CSMD1: variants seen among roughly 807,000 people sequenced by gnomAD.
CSMD1 encodes CUB and sushi domain-containing protein 1.
A neutral mutation model predicts 417.5 loss-of-function variants in CSMD1; 213 were observed. The observed-to-expected ratio is 0.51, with a 90% CI of 0.46 to 0.57. The LOEUF (loss-of-function observed/expected upper bound fraction) is 0.57. Ranked by LOEUF, CSMD1 falls within the 20% of genes least tolerant of loss-of-function variation. CSMD1 has a pLI of 0.00. For missense variants in CSMD1, 6,923 were observed against 4,529.7 expected (o/e 1.53, Z -15.17); for synonymous variants, 2,862 against 1,736.8 (o/e 1.65, Z -16.11).
At chr8:3,218,659 G>A (rs919915889) in intron 29 of CSMD1, among the ~76,000 whole-genome samples, 3 of 151,968 alleles carry the variant, frequency 2.0e-5, no homozygotes, top group South Asian at 2.1e-4. Flanking sequence ...ATCACCTGAG[G>A]TCAGGAGATC....
At chr8:4,274,923 G>C (rs1361958486) in intron 3 of CSMD1, among the ~76,000 whole-genome samples, 2 of 152,086 alleles carry the variant, frequency 1.3e-5, no homozygotes, top group South Asian at 4.1e-4. Flanking sequence ...TTGTGTCTTG[G>C]CCACATTCAT....
chr8:3,711,328 G>A (rs1316147869), intron 6 of CSMD1, among the ~76,000 whole-genome samples: 1 of 152,148 alleles, frequency 6.6e-6, no homozygotes, highest in Non-Finnish European at 1.5e-5. Flanking sequence ...AGACGAGGAG[G>A]TGGGCCACCC....
chr8:4,847,935 C>G (rs1801241416), intron 1 of CSMD1, among the ~76,000 whole-genome samples: 2 of 152,112 alleles, frequency 1.3e-5, no homozygotes, highest in Admixed American at 1.3e-4. Flanking sequence ...ACCCTGTACC[C>G]TTTAGCAAGC....
intron 3 of CSMD1, among the ~76,000 whole-genome samples, chr8:4,192,716 G>A (rs6999095): frequency 0.028 from 4,268 of 152,248 alleles, 221 homozygotes; most frequent in African/African-American, 0.097. Flanking sequence ...TGTCGGGTAT[G>A]AGGAATTGTC....
chr8:4,976,111 G>A (rs1324644822), intron 1 of CSMD1, among the ~76,000 whole-genome samples: 19 of 152,210 alleles, frequency 1.2e-4, no homozygotes. Context: ...GATAAACATT[G>A]GATAAATATG....
intron 2 of CSMD1, among the ~76,000 whole-genome samples, chr8:4,485,004 A>T: frequency 6.8e-6 from 1 of 147,020 alleles, no homozygotes; most frequent in Admixed American, 6.8e-5. Flanking sequence ...AAAAAAAAAA[A>T]AAAAAAAAAA....
At chr8:3,792,581 T>G (rs1482103413) in intron 5 of CSMD1, among the ~76,000 whole-genome samples, 3 of 152,154 alleles carry the variant, frequency 2.0e-5, no homozygotes, top group African/African-American at 7.2e-5. Context: ...CTTTGTTAGC[T>G]CCCACATACC....
intron 33 of CSMD1, among the ~76,000 whole-genome samples, chr8:3,193,418 G>A (rs896585030): frequency 6.6e-6 from 1 of 152,112 alleles, no homozygotes; most frequent in African/African-American, 2.4e-5. Flanking sequence ...GGGAGGCAGG[G>A]AGAAGCTGTG....
chr8:4,622,827 C>G (rs1350157156), intron 2 of CSMD1, among the ~76,000 whole-genome samples: 1 of 152,124 alleles, frequency 6.6e-6, no homozygotes, highest in Admixed American at 6.6e-5. Flanking sequence ...TGAGCTGCCT[C>G]TCTTTGCAGA....
intron 3 of CSMD1, among the ~76,000 whole-genome samples, chr8:4,126,861 G>C (rs905955576): frequency 6.6e-6 from 1 of 152,102 alleles, no homozygotes; most frequent in Non-Finnish European, 1.5e-5. Context: ...GCAAAGATCA[G>C]TCCCAGGACC....
intron 6 of CSMD1, among the ~76,000 whole-genome samples, chr8:3,731,218 C>T (rs577581825): frequency 6.6e-6 from 1 of 152,186 alleles, no homozygotes; most frequent in Non-Finnish European, 1.5e-5. Flanking sequence ...TCCACCTTCC[C>T]ACTGTCCTCC....
intron 36 of CSMD1, among the ~76,000 whole-genome samples, chr8:3,184,763 C>A (rs1368905055): frequency 6.6e-6 from 1 of 152,184 alleles, no homozygotes; most frequent in Non-Finnish European, 1.5e-5. Context: ...CCTTTCCTGC[C>A]TCAGGATAGC....
chr8:4,637,843 T>C (rs571679298), intron 1 of CSMD1, among the ~76,000 whole-genome samples: 15 of 151,296 alleles, frequency 9.9e-5, no homozygotes, highest in Admixed American at 8.6e-4. Context: ...GCTAATTTTT[T>C]GTATTTTTAG....
intron 10 of CSMD1, among the ~76,000 whole-genome samples, chr8:3,530,984 C>G (rs1797956404): frequency 1.3e-5 from 2 of 151,734 alleles, no homozygotes; most frequent in Non-Finnish European, 2.9e-5. Flanking sequence ...TCCTGAGTAG[C>G]TGGGACTGCA....
intron 2 of CSMD1, among the ~76,000 whole-genome samples, chr8:4,569,374 T>G (rs1416709005): frequency 2.0e-5 from 3 of 152,210 alleles, no homozygotes; most frequent in Non-Finnish European, 2.9e-5. Context: ...CTAGTCAGCT[T>G]TCCCAACACC....
chr8:3,620,815 C>G (rs1350532358), intron 7 of CSMD1, among the ~76,000 whole-genome samples: 2 of 152,182 alleles, frequency 1.3e-5, no homozygotes, highest in Non-Finnish European at 2.9e-5. Context: ...CAGAGCTACC[C>G]TTTAAATAAT....
chr8:3,805,267 C>T (rs558627765), intron 5 of CSMD1, among the ~76,000 whole-genome samples: 1 of 152,244 alleles, frequency 6.6e-6, no homozygotes, highest in African/African-American at 2.4e-5. Context: ...TCTCCTAGGG[C>T]ATCAGCATCG....
intron 3 of CSMD1, among the ~76,000 whole-genome samples, chr8:4,236,140 A>C (rs1008456044): frequency 2.7e-5 from 4 of 146,892 alleles, no homozygotes; most frequent in Non-Finnish European, 5.9e-5. Context: ...AAAACACCGT[A>C]TGTTATCAGT....
At chr8:3,492,180 C>T (rs566616773) in intron 11 of CSMD1, among the ~76,000 whole-genome samples, 17 of 152,232 alleles carry the variant, frequency 1.1e-4, no homozygotes, top group African/African-American at 3.9e-4. Flanking sequence ...TCAGGAGAAG[C>T]CAAGATGTTT....
Sources: gnomAD v4.1 joint callset for allele counts (sites outside exome capture counted in the v4.1 genomes callset) on GRCh38, gnomAD v4.1.1 for gene constraint, MANE v1.5 for transcripts, NCBI Gene and HGNC (gene_info 2026-07-23, HGNC 2026-07-21) for gene names.